The following CATSPERE variants were observed in gnomAD, a reference collection of about 807,000 sequenced individuals.
CATSPERE encodes catsper channel auxiliary subunit epsilon.
Under a neutral mutation model 114.1 loss-of-function variants are expected in CATSPERE, and 93 were observed. The observed-to-expected ratio is 0.81, with a 90% CI of 0.69 to 0.97. The LOEUF is 0.97. Ranked by LOEUF, CATSPERE falls within the 50% of genes least tolerant of loss-of-function variation. The pLI is 0.00. For missense variants in CATSPERE, 1,058 were observed against 1,131.6 expected (o/e 0.93, Z 0.93); for synonymous variants, 341 against 384.1 (o/e 0.89, Z 1.31).
At chr1:244,636,038 G>A (rs955448862) in intron 21 of CATSPERE, among the ~76,000 whole-genome samples, 19 of 152,268 alleles carry the variant, frequency 1.2e-4, no homozygotes, top group South Asian at 6.2e-4. Flanking sequence ...CCTCCTACTT[G>A]GCAGATGCCA....
Position 244,640,146 on chromosome 1 carries a change from A to T in CATSPERE, c.*65A>T, listed in dbSNP as rs1378650080. On this transcript the variant is annotated 3_prime_UTR_variant, in exon 22 of 22. Coordinates refer to ENST00000366534, the MANE Select transcript of CATSPERE (RefSeq NM_001130957.2). ...GAGAAACAGTGTATTACATAGTGATATTGAGAGTGTGTGTTTGACCAAGAA... is the reference window on the plus strand; with the variant it reads ...GAGAAACAGTGTATTACATAGTGATTTTGAGAGTGTGTGTTTGACCAAGAA... The T allele has an allele frequency of 7.7e-7, 1 of 1,291,350 alleles. No homozygotes were observed. The highest frequency in any genetic ancestry group is 1.1e-6 in the Non-Finnish European group (1 of 936,154). The allele number at this position is 1,291,350 out of a possible 1,614,324, so 80.0% of individuals were successfully genotyped here. A position where few individuals can be genotyped will look rare whatever the true frequency, so the allele number is the denominator to read the frequency against.
chr1:244,618,248 C>T (rs1022315340), intron 20 of CATSPERE, among the ~76,000 whole-genome samples: 8 of 152,084 alleles, frequency 5.3e-5, no homozygotes, highest in African/African-American at 1.7e-4. Flanking sequence ...TGGAGCTAAA[C>T]GTTAGCAAAA....
chr1:244,530,479 T>C (rs1679413370), intron 8 of CATSPERE, among the ~76,000 whole-genome samples: 1 of 152,218 alleles, frequency 6.6e-6, no homozygotes, highest in Admixed American at 6.5e-5. Context: ...TCATTTTGTT[T>C]AGGATAGCTT....
chr1:244,528,536 T>C (rs1427599342), intron 8 of CATSPERE, among the ~76,000 whole-genome samples: 1 of 152,126 alleles, frequency 6.6e-6, no homozygotes, highest in East Asian at 1.9e-4. Context: ...TAGGTATATA[T>C]ATTTTGTGGG....
intron 8 of CATSPERE, among the ~76,000 whole-genome samples, chr1:244,532,824 C>T (rs1479861147): frequency 6.6e-6 from 1 of 152,030 alleles, no homozygotes; most frequent in Non-Finnish European, 1.5e-5. Context: ...GAAGAATGTG[C>T]ACTCTATATC....
At chr1:244,632,272 T>C (rs545575098) in intron 20 of CATSPERE, among the ~76,000 whole-genome samples, 1 of 151,330 alleles carries the variant, frequency 6.6e-6, no homozygotes, top group African/African-American at 2.4e-5. Context: ...TGTGCGCCTT[T>C]AATGCCAGCT....
chr1:244,613,599 T>G (rs1280930722), intron 19 of CATSPERE, among the ~76,000 whole-genome samples: 1 of 152,148 alleles, frequency 6.6e-6, no homozygotes, highest in Non-Finnish European at 1.5e-5. Context: ...TATTCAACCT[T>G]TATCCCTCCC....
At chr1:244,465,723 A>G (rs1667496090) in intron 2 of CATSPERE, among the ~76,000 whole-genome samples, 1 of 152,138 alleles carries the variant, frequency 6.6e-6, no homozygotes, top group African/African-American at 2.4e-5. Flanking sequence ...TTTTATATAA[A>G]TTTTAGAATA....
chr1:244,497,519 G>A lies in CATSPERE; in HGVS notation c.352-1483G>A, dbSNP rs368219262. Among the ~76,000 whole-genome samples the A allele has an allele frequency of 1.3e-4, 20 of 152,174 alleles. No homozygotes were observed. In the East Asian group the frequency reaches 1.3e-3, roughly 10 times the overall value. ...TTAAACTATACTGCAGTACCAGGCT[G>A]GATATGCTGGCTCATGCCTGTAATC... On this transcript the variant is annotated intron_variant, in intron 6 of 21. Coordinates refer to ENST00000366534, the MANE Select transcript of CATSPERE (RefSeq NM_001130957.2).
At chr1:244,528,785 C>CCACACACACACACA (rs56746061) in intron 8 of CATSPERE, among the ~76,000 whole-genome samples, 181 of 130,566 alleles carry the variant, frequency 1.4e-3, no homozygotes, top group Middle Eastern at 3.9e-3. Flanking sequence ...CAATCCCCCA[C>CCACACACACACACA]CACACACACA....
intron 5 of CATSPERE, among the ~76,000 whole-genome samples, chr1:244,489,842 A>C (rs1215134587): frequency 6.6e-6 from 1 of 152,118 alleles, no homozygotes; most frequent in Non-Finnish European, 1.5e-5. Context: ...AGATATATGT[A>C]TAGCAAGAAA....
chr1:244,587,661 G>C (rs547821192), intron 13 of CATSPERE, among the ~76,000 whole-genome samples: 5 of 152,218 alleles, frequency 3.3e-5, no homozygotes, highest in Non-Finnish European at 7.3e-5. Flanking sequence ...TGGTTTAATA[G>C]TTAATAATTA....
chr1:244,518,643 A>T lies in CATSPERE; in HGVS notation c.481A>T (p.Ile161Leu). 1 of 1,602,698 alleles carries T rather than the reference A, an allele frequency of 6.2e-7. No homozygotes were observed. The highest frequency in any genetic ancestry group is 1.3e-5 in the African/African-American group (1 of 74,748). Residue 161 changes from isoleucine to leucine, a missense_variant, in exon 8 of 22, where the codon ATA becomes TTA. Ile to Leu is a conservative substitution (Grantham distance 5). Coordinates refer to ENST00000366534, the MANE Select transcript of CATSPERE (RefSeq NM_001130957.2). The part of the protein sequence containing the change: ...QMATLGQKPV[I>L]HTVLKRKVYS... Reference sequence around the variant, plus strand: ...GGCCACATTGGGACAGAAGCCTGTCATACATACAGTTCTGAAGAGAAAAGT... The same window carrying T: ...GGCCACATTGGGACAGAAGCCTGTCTTACATACAGTTCTGAAGAGAAAAGT...
At position 244,560,999 on chromosome 1, in the gene CATSPERE, C is replaced by T. The variant is rs780614624; in HGVS notation, c.1361C>T (p.Ala454Val). 8.1e-6 allele frequency: 13 copies of T among 1,613,722 alleles called. No homozygotes were observed. In the African/African-American group the frequency reaches 1.5e-4, roughly 18 times the overall value. ...SVTMPHFTFSALPGLLLWNKH... is the reference protein window; with the variant it reads ...SVTMPHFTFSVLPGLLLWNKH... Reference sequence around the variant, plus strand: ...ACCATGCCACATTTTACATTTTCAGCACTGCCAGGATTACTGCTATGGAAC... The same window carrying T: ...ACCATGCCACATTTTACATTTTCAGTACTGCCAGGATTACTGCTATGGAAC... Residue 454 changes from alanine to valine, a missense_variant, in exon 10 of 22, where the codon GCA (alanine) becomes GTA (valine). Around this residue, in one of 2 missense-constraint regions of CATSPERE, gnomAD observed 787 missense variants for 905.6 expected, o/e 0.87. Coordinates refer to ENST00000366534, the MANE Select transcript of CATSPERE (RefSeq NM_001130957.2).
At chr1:244,562,153 CAAAAAAAA>C (rs11313998) in intron 10 of CATSPERE, among the ~76,000 whole-genome samples, 1 of 70,190 alleles carries the variant, frequency 1.4e-5, no homozygotes, top group Non-Finnish European at 2.9e-5. Context: ...GATCCTGTCT[CAAAAAAAA>C]AAAAAAAAAA....
chr1:244,615,530 C>T (rs1331704698), intron 19 of CATSPERE, among the ~76,000 whole-genome samples: 2 of 151,302 alleles, frequency 1.3e-5, no homozygotes, highest in African/African-American at 2.4e-5. Context: ...GAGCCTATTG[C>T]TCCCAGGCCA....
At chr1:244,548,894 A>T (rs1157349563) in intron 8 of CATSPERE, among the ~76,000 whole-genome samples, 1 of 152,142 alleles carries the variant, frequency 6.6e-6, no homozygotes, top group Non-Finnish European at 1.5e-5. Context: ...ACTCACTATT[A>T]TCCCTAGAGA....
chr1:244,470,509 A>AAT (rs1668304789), intron 2 of CATSPERE, among the ~76,000 whole-genome samples: 2 of 152,212 alleles, frequency 1.3e-5, no homozygotes, highest in Admixed American at 1.3e-4. Context: ...AAAGACAGAT[A>AAT]ATAACAAGTG....
chr1:244,537,182 CTT>C (rs1680516265), intron 8 of CATSPERE, among the ~76,000 whole-genome samples: 1 of 152,104 alleles, frequency 6.6e-6, no homozygotes, highest in African/African-American at 2.4e-5. Context: ...TTTAGACTCT[CTT>C]TATCAAGTTT....
Sources: allele counts gnomAD v4.1 joint callset (sites outside exome capture counted in the v4.1 genomes callset), GRCh38; gene constraint gnomAD v4.1.1; regional missense constraint gnomAD v4.1.1; transcripts MANE v1.5; gene names NCBI Gene and HGNC (gene_info 2026-07-23, HGNC 2026-07-21).